PRTN3: variants seen among roughly 807,000 people sequenced by gnomAD.
PRTN3 encodes myeloblastin.
A neutral mutation model predicts 20.7 loss-of-function variants in PRTN3; 22 were observed. The observed-to-expected ratio is 1.06, with a 90% CI of 0.76 to 1.52. PRTN3 has a LOEUF of 1.52. Among genes scored for constraint, PRTN3 ranks in the 40% most tolerant of loss-of-function variants. PRTN3 has a pLI of 0.00. For synonymous variants in PRTN3, 173 were observed against 152.9 expected (o/e 1.13, Z -0.97); for missense variants, 378 against 359.6 (o/e 1.05, Z -0.41).
chr19:844,135 G>A, intron 3 of PRTN3, 101 bp downstream of exon 3: 3 of 1,428,700 alleles, frequency 2.1e-6, no homozygotes, highest in Non-Finnish European at 9.3e-7. Flanking sequence ...CTGTATACCG[G>A]GCCACGACCG....
At chr19:844,155 C>T in intron 3 of PRTN3, 121 bp downstream of exon 3, 1 of 1,323,978 alleles carries the variant, frequency 7.6e-7, no homozygotes, top group Non-Finnish European at 1.0e-6. Flanking sequence ...GAGGCCGCTG[C>T]AGCCTGGGTC....
intron 4 of PRTN3, among the ~76,000 whole-genome samples, chr19:847,417 A>G (rs2035530128): frequency 6.6e-6 from 1 of 152,018 alleles, no homozygotes; most frequent in South Asian, 2.1e-4. Flanking sequence ...AGCCTGGGTG[A>G]CAGAGCGAGA....
chr19:844,041 G>A lies in PRTN3; in HGVS notation c.369+7G>A, dbSNP rs373006866. 35 of 1,599,086 alleles carry A rather than the reference G, an allele frequency of 2.2e-5. 1 individual carries two copies. In the South Asian group the frequency reaches 2.9e-4, roughly 13 times the overall value. On this transcript the variant is annotated splice_region_variant and intron_variant, in intron 3 of 4. Coordinates refer to ENST00000234347, the MANE Select transcript of PRTN3 (RefSeq NM_002777.4). ...CGACGTTCTCCTCATCCAGGTGGGC[G>A]GGCAGGGCCGCGAGGGCTCGGAGGG...
chr19:842,405 C>T (rs1450082221), intron 1 of PRTN3, among the ~76,000 whole-genome samples: 10 of 122,894 alleles, frequency 8.1e-5, no homozygotes, highest in African/African-American at 3.1e-4. Flanking sequence ...TGAGCCACTG[C>T]GCCCAGGATT....
In PRTN3 at chr19:843,451, C is replaced by A. The variant is rs1474611325; in HGVS notation, c.62-10C>A. 1 of 1,551,066 alleles carries A rather than the reference C, an allele frequency of 6.4e-7. No homozygotes were observed. ...GGGGGCTCCCTGACGCCTGGACTCC[C>A]CCCCTGCAGGTGCTGCCCGAGCTGC... is the stretch of plus-strand genomic sequence containing the variant. On this transcript the variant is annotated splice_polypyrimidine_tract_variant and intron_variant, in intron 1 of 4. Transcript: ENST00000234347.
In PRTN3 at chr19:846,287, G is replaced by A. The variant is rs1388984887; in HGVS notation, c.510G>A (p.Leu170=). The A allele has an allele frequency of 5.7e-6, 9 of 1,591,726 alleles. No individual in the cohort carries two copies. The highest frequency in any genetic ancestry group is 7.7e-6 in the Non-Finnish European group (9 of 1,169,814). The change falls in exon 4 of 5, where the codon CTG becomes CTA. Residue 170 remains leucine, a synonymous_variant. Transcript: ENST00000234347. ...VGAHDPPAQV[L]QELNVTVVTF... The stretch of plus-strand genomic sequence containing the variant: ...CCCACGACCCCCCAGCCCAGGTCCT[G>A]CAGGAGCTCAATGTCACCGTGGTCA...
At chr19:844,084 CG>C in intron 3 of PRTN3, 50 bp downstream of exon 3, 1 of 1,542,738 alleles carries the variant, frequency 6.5e-7, no homozygotes. Context: ...CAGAGGGCTC[CG>C]GGACCCCCAT....
At chr19:845,435 G>A (rs1352424822) in intron 3 of PRTN3, among the ~76,000 whole-genome samples, 1 of 151,824 alleles carries the variant, frequency 6.6e-6, no homozygotes, top group Non-Finnish European at 1.5e-5. Context: ...GAAGATGAAT[G>A]AATGGGCCAG....
intron 2 of PRTN3, 130 bp downstream of exon 2, chr19:843,756 T>A (rs2035476642): frequency 2.1e-6 from 3 of 1,429,124 alleles, no homozygotes; most frequent in Non-Finnish European, 2.8e-6. Context: ...CCCGCGCGCG[T>A]GGGCAGTTCT....
Position 842,377 on chromosome 19 carries a change from T to C in PRTN3, c.62-1084T>C, listed in dbSNP as rs547485623. Among the ~76,000 whole-genome samples, 14 of 147,536 alleles carry C rather than the reference T, an allele frequency of 9.5e-5. No homozygotes were observed. The Middle Eastern group carries it at 0.01, about 109-fold the overall frequency. The stretch of plus-strand genomic sequence containing the variant: ...TTTGTTTTGTTTTGTTTTTTTGAGA[T>C]GGGGTCTCACTCAGGCATGAGCCAC... On this transcript the variant is annotated intron_variant, in intron 1 of 4. Coordinates refer to ENST00000234347, the MANE Select transcript of PRTN3 (RefSeq NM_002777.4).
intron 3 of PRTN3, among the ~76,000 whole-genome samples, chr19:844,945 C>CT (rs1568299866): frequency 1.4e-4 from 11 of 81,038 alleles, no homozygotes; most frequent in East Asian, 3.5e-4. Context: ...CTATAAAAGA[C>CT]ATTTTTTTTT....
chr19:843,687 C>T (rs2301878), intron 2 of PRTN3, 61 bp downstream of exon 2: 3 of 1,518,438 alleles, frequency 2.0e-6, no homozygotes, highest in East Asian at 2.4e-5. Flanking sequence ...AGCCCTGGCC[C>T]GGCCACTGTC....
At chr19:844,733 G>A (rs1473282239) in intron 3 of PRTN3, among the ~76,000 whole-genome samples, 3 of 151,342 alleles carry the variant, frequency 2.0e-5, no homozygotes, top group Non-Finnish European at 4.4e-5. Flanking sequence ...CCCCAGGGCA[G>A]AGGATTTTTG....
intron 4 of PRTN3, among the ~76,000 whole-genome samples, chr19:846,628 GGGAGACCCATCCGCCCTCACC>G (rs1354826311): frequency 2.0e-5 from 3 of 152,212 alleles, no homozygotes; most frequent in Admixed American, 6.5e-5. Context: ...AGGAAGGTGT[GGGAGACCCATCCGCCCTCACC>G]GGCGGCCCCT....
chr19:844,315 C>CGCCCGCGCCTCTCCCTT (rs1468068370), intron 3 of PRTN3, among the ~76,000 whole-genome samples: 2 of 77,776 alleles, frequency 2.6e-5, no homozygotes, highest in Non-Finnish European at 5.0e-5. Flanking sequence ...GCCTCTCCCC[C>CGCCCGCGCCTCTCCCTT]GCCCGCGCCT....
At chr19:844,946 ATTTTTT>A (rs1203344875) in intron 3 of PRTN3, among the ~76,000 whole-genome samples, 1 of 123,118 alleles carries the variant, frequency 8.1e-6, no homozygotes, top group Non-Finnish European at 1.6e-5. Flanking sequence ...TATAAAAGAC[ATTTTTT>A]TTTTTTTTTT....
chr19:847,899 C>G lies in PRTN3; in HGVS notation c.701C>G (p.Thr234Arg). 6.2e-7 allele frequency: 1 copy of G among 1,608,560 alleles called. No homozygotes were observed. ...CATRLFPDFFTRVALYVDWIR... is the reference protein window; with the variant it reads ...CATRLFPDFFRRVALYVDWIR... ...ACCCGCCTTTTCCCTGACTTCTTCA[C>G]GCGGGTAGCCCTCTACGTGGACTGG... is the stretch of plus-strand genomic sequence containing the variant. The change falls in exon 5 of 5, where the codon ACG (threonine) becomes AGG (arginine). Residue 234 changes from threonine to arginine, a missense_variant. Transcript: ENST00000234347.
intron 4 of PRTN3, 107 bp from the exon 5 acceptor site, chr19:847,692 A>C (rs1376452579): frequency 1.5e-6 from 2 of 1,375,348 alleles, no homozygotes; most frequent in Non-Finnish European, 2.0e-6. Context: ...GGCTGTCCCC[A>C]TCCTCCCGGG....
chr19:848,073 G>A lies in PRTN3; in HGVS notation c.*104G>A. Reference sequence around the variant, plus strand: ...TCTTCCCCGAACACTGTGGCGTCCGGGACGGCCCCACCCGTCCCCCCACAC... The same window carrying A: ...TCTTCCCCGAACACTGTGGCGTCCGAGACGGCCCCACCCGTCCCCCCACAC... On this transcript the variant is annotated 3_prime_UTR_variant, in exon 5 of 5. Transcript: ENST00000234347. The A allele has an allele frequency of 7.1e-7, 1 of 1,399,334 alleles. No homozygotes were observed. 86.7% of individuals were successfully genotyped at this position (1,399,334 alleles called of 1,614,324 possible).
Sources: gnomAD v4.1 joint callset for allele counts (sites outside exome capture counted in the v4.1 genomes callset) on GRCh38, gnomAD v4.1.1 for gene constraint, MANE v1.5 for transcripts, NCBI Gene and HGNC (gene_info 2026-07-23, HGNC 2026-07-21) for gene names.